Variants in IGF1R observed in about 807,000 individuals in gnomAD.
IGF1R encodes insulin like growth factor 1 receptor, also known as insulin-like growth factor 1 receptor.
Under a neutral mutation model 144.6 loss-of-function variants are expected in IGF1R, and 44 were observed. The ratio of observed to expected loss-of-function variants is 0.30; its 90% CI spans 0.24 to 0.39. IGF1R has a LOEUF of 0.39. Ranked by LOEUF, IGF1R falls within the 10% of genes least tolerant of loss-of-function variation. The pLI, the probability that IGF1R is intolerant of heterozygous loss-of-function variation, is 1.00. For missense variants in IGF1R, 1,355 were observed against 1,833.7 expected (o/e 0.74, Z 4.77); for synonymous variants, 795 against 722.8 (o/e 1.10, Z -1.60).
Position 98,938,883 on chromosome 15 carries a change from T to C in IGF1R, c.3298-318T>C, listed in dbSNP as rs2016257342. ...AATTTGAGTAACTGAGAATCCTTAC[T>C]ACCAAAAATGGCTTGTTTCACTTTA... On this transcript the variant is annotated intron_variant, in intron 17 of 20. Coordinates refer to ENST00000650285, the MANE Select transcript of IGF1R (RefSeq NM_000875.5). Among the ~76,000 whole-genome samples, 3 of 152,212 alleles carry C rather than the reference T, an allele frequency of 2.0e-5. No individual in the cohort carries two copies. In the South Asian group the frequency reaches 6.2e-4, roughly 32 times the overall value.
At chr15:98,930,873 T>C (rs2015913152) in intron 15 of IGF1R, among the ~76,000 whole-genome samples, 1 of 152,154 alleles carries the variant, frequency 6.6e-6, no homozygotes, top group Admixed American at 6.5e-5. Flanking sequence ...GACATGGAAG[T>C]TGGGTGATCC....
intron 8 of IGF1R, among the ~76,000 whole-genome samples, chr15:98,915,597 G>A (rs573134897): frequency 1.3e-3 from 204 of 152,302 alleles, no homozygotes; most frequent in Non-Finnish European, 2.4e-3. Context: ...CGAAATTGCC[G>A]GAGTGCAGCA....
chr15:98,813,052 G>A (rs1347844856), intron 2 of IGF1R, among the ~76,000 whole-genome samples: 1 of 152,040 alleles, frequency 6.6e-6, no homozygotes, highest in African/African-American at 2.4e-5. Flanking sequence ...CTTGGCTGGG[G>A]CGAGGCTTAC....
intron 17 of IGF1R, among the ~76,000 whole-genome samples, chr15:98,936,322 G>A (rs772391909): frequency 6.6e-6 from 1 of 152,156 alleles, no homozygotes; most frequent in Non-Finnish European, 1.5e-5. Context: ...TTCATTAAAA[G>A]TCACCGTGGT....
Position 98,924,021 on chromosome 15 carries a change from G to T in IGF1R, c.2622+9G>T. On this transcript the variant is annotated intron_variant, in intron 12 of 20. Coordinates refer to ENST00000650285, the MANE Select transcript of IGF1R (RefSeq NM_000875.5). ...ACGGATCACAAGTTGAGGTAGGACT[G>T]GGGCAGTGGCCCGTGCCTGCATGTA... The T allele has an allele frequency of 6.2e-7, 1 of 1,613,570 alleles. No individual in the cohort carries two copies. The highest frequency in any genetic ancestry group is 8.5e-7 in the Non-Finnish European group (1 of 1,179,454).
At chr15:98,703,970 C>T (rs1323863803) in intron 1 of IGF1R, among the ~76,000 whole-genome samples, 1 of 152,190 alleles carries the variant, frequency 6.6e-6, no homozygotes, top group Non-Finnish European at 1.5e-5. Flanking sequence ...ACTGACATGA[C>T]ACCACAAGTG....
intron 2 of IGF1R, among the ~76,000 whole-genome samples, chr15:98,852,205 G>A (rs1238272221): frequency 6.6e-6 from 1 of 152,186 alleles, no homozygotes; most frequent in African/African-American, 2.4e-5. Context: ...AGCAGTTCTG[G>A]CGCAGGGGCT....
chr15:98,686,736 G>A (rs2053339016), intron 1 of IGF1R, among the ~76,000 whole-genome samples: 1 of 151,574 alleles, frequency 6.6e-6, no homozygotes, highest in Non-Finnish European at 1.5e-5. Flanking sequence ...AGTGATGTGA[G>A]CATAGTTCAC....
chr15:98,854,749 G>T (rs112930083), intron 2 of IGF1R, among the ~76,000 whole-genome samples: 1 of 152,154 alleles, frequency 6.6e-6, no homozygotes, highest in Admixed American at 6.5e-5. Context: ...GAATAGAAGA[G>T]CCCTGTGACT....
intron 1 of IGF1R, among the ~76,000 whole-genome samples, chr15:98,692,227 A>G (rs567940410): frequency 1.3e-5 from 2 of 152,288 alleles, no homozygotes; most frequent in Admixed American, 1.3e-4. Context: ...GGTCCCAGCT[A>G]CTTGGGAGGC....
At chr15:98,686,846 T>C (rs1202437331) in intron 1 of IGF1R, among the ~76,000 whole-genome samples, 1 of 152,134 alleles carries the variant, frequency 6.6e-6, no homozygotes, top group Non-Finnish European at 1.5e-5. Context: ...AATTTTTAAA[T>C]TTTTGTAGAG....
intron 2 of IGF1R, among the ~76,000 whole-genome samples, chr15:98,836,974 T>G (rs1054015309): frequency 6.6e-6 from 1 of 152,248 alleles, no homozygotes; most frequent in African/African-American, 2.4e-5. Context: ...AACACTTGAT[T>G]GAGGTGGTGC....
At position 98,687,680 on chromosome 15, in the gene IGF1R, A is replaced by AG. The variant is rs2053364458; in HGVS notation, c.95-19878dup. Among the ~76,000 whole-genome samples, 4 of 152,202 alleles carry AG rather than the reference A, an allele frequency of 2.6e-5. No homozygotes were observed. In the East Asian group the frequency reaches 7.7e-4, roughly 29 times the overall value. On this transcript the variant is annotated intron_variant, in intron 1 of 20. Coordinates refer to ENST00000650285, the MANE Select transcript of IGF1R (RefSeq NM_000875.5). ...CCCAGCGAGATGCTGTGTGGTAACCAGGGGAGAGAGAGGTGGTGGTGTTAG... is the reference window on the plus strand; with the variant it reads ...CCCAGCGAGATGCTGTGTGGTAACCAGGGGGAGAGAGAGGTGGTGGTGTTAG...
At chr15:98,903,029 C>T (rs1053241928) in intron 5 of IGF1R, among the ~76,000 whole-genome samples, 1 of 152,166 alleles carries the variant, frequency 6.6e-6, no homozygotes, top group Admixed American at 6.5e-5. Context: ...AAAGCCATAG[C>T]CATGGTTTCC....
At position 98,718,443 on chromosome 15, in the gene IGF1R, G is replaced by A. The variant is rs74032545; in HGVS notation, c.640+10336G>A. On this transcript the variant is annotated intron_variant, in intron 2 of 20. Transcript: ENST00000650285. ...AAGGGACCTGGATGAAGTTAGTGAG[G>A]TTGCCGTTCCTGGGGTTAATGCAGA... 7.8e-3 allele frequency among the ~76,000 whole-genome samples: 1,181 copies of A among 152,320 alleles called. 20 individuals are homozygous for A. The highest frequency in any genetic ancestry group is 0.027 in the African/African-American group (1,125 of 41,570).
At chr15:98,921,409 G>A (rs1003634452) in intron 10 of IGF1R, among the ~76,000 whole-genome samples, 1 of 152,098 alleles carries the variant, frequency 6.6e-6, no homozygotes, top group Non-Finnish European at 1.5e-5. Context: ...TTGCTTTTCG[G>A]TTGTTCCAAG....
intron 8 of IGF1R, among the ~76,000 whole-genome samples, chr15:98,914,122 G>T (rs1202078675): frequency 1.3e-5 from 2 of 152,226 alleles, no homozygotes; most frequent in African/African-American, 4.8e-5. Flanking sequence ...CATGGTGGCA[G>T]GGATGCGGGA....
At chr15:98,803,958 G>A (rs1228240823) in intron 2 of IGF1R, among the ~76,000 whole-genome samples, 2 of 152,112 alleles carry the variant, frequency 1.3e-5, no homozygotes, top group East Asian at 3.8e-4. Flanking sequence ...TATACAGCTG[G>A]CAGCACGGGT....
At chr15:98,928,863 C>T (rs1320809335) in intron 13 of IGF1R, among the ~76,000 whole-genome samples, 1 of 152,038 alleles carries the variant, frequency 6.6e-6, no homozygotes, top group Admixed American at 6.5e-5. Context: ...TGTAGCAGGA[C>T]TCAAATGTCT....
Sources: allele counts gnomAD v4.1 joint callset (sites outside exome capture counted in the v4.1 genomes callset), GRCh38; gene constraint gnomAD v4.1.1; transcripts MANE v1.5; gene names NCBI Gene and HGNC (gene_info 2026-07-23, HGNC 2026-07-21).